The following MAGI1 variants were observed in gnomAD, a reference collection of about 807,000 sequenced individuals.
The protein encoded by MAGI1 is membrane-associated guanylate kinase, WW and PDZ domain-containing protein 1.
MAGI1 carries 58 observed loss-of-function variants against 139.9 expected under a neutral mutation model. That is an observed-to-expected ratio of 0.41 (90% CI 0.34 to 0.52). MAGI1 has a LOEUF of 0.52. Ranked by LOEUF, MAGI1 falls within the 20% of genes least tolerant of loss-of-function variation. MAGI1 has a pLI of 0.12. For synonymous variants in MAGI1, 812 were observed against 737.9 expected, an observed-to-expected ratio of 1.10 and a Z score of -1.63; for missense variants, 1,874 against 1,901.6, an observed-to-expected ratio of 0.99 and a Z score of 0.27.
chr3:65,580,685 T>A (rs959972212), intron 2 of MAGI1, among the ~76,000 whole-genome samples: 2 of 152,124 alleles, frequency 1.3e-5, no homozygotes, highest in Non-Finnish European at 2.9e-5. Context: ...TAAAAAAAAA[T>A]ATGTGGCAGA....
intron 1 of MAGI1, among the ~76,000 whole-genome samples, chr3:65,935,992 C>A (rs925248519): frequency 1.3e-5 from 2 of 152,178 alleles, no homozygotes; most frequent in African/African-American, 4.8e-5. Context: ...AACTATCTGG[C>A]CAACTCACAA....
chr3:65,842,218 C>T (rs1380524156), intron 1 of MAGI1, among the ~76,000 whole-genome samples: 1 of 152,104 alleles, frequency 6.6e-6, no homozygotes, highest in African/African-American at 2.4e-5. Flanking sequence ...AGATAACAAA[C>T]AATACCATCT....
At chr3:65,715,285 T>C (rs1033161263) in intron 1 of MAGI1, among the ~76,000 whole-genome samples, 6 of 152,186 alleles carry the variant, frequency 3.9e-5, no homozygotes, top group Non-Finnish European at 7.3e-5. Context: ...ACAATTATAG[T>C]TTTTGCAGGT....
intron 16 of MAGI1, 40 bp downstream of exon 16, chr3:65,381,837 G>GT (rs1490800360): frequency 6.6e-7 from 1 of 1,519,118 alleles, no homozygotes; most frequent in African/African-American, 1.4e-5. Context: ...TGTGAATAAA[G>GT]TGACAACGCA....
At chr3:65,749,186 G>A (rs2035938584) in intron 1 of MAGI1, among the ~76,000 whole-genome samples, 1 of 152,150 alleles carries the variant, frequency 6.6e-6, no homozygotes, top group African/African-American at 2.4e-5. Flanking sequence ...GCAAACCTCA[G>A]AGATCATGAT....
At chr3:65,723,630 A>G (rs902207514) in intron 1 of MAGI1, among the ~76,000 whole-genome samples, 2 of 152,254 alleles carry the variant, frequency 1.3e-5, no homozygotes, top group African/African-American at 4.8e-5. Context: ...ATCTAGCAAC[A>G]TCAGTCGACA....
chr3:65,708,084 T>C (rs184873487), intron 1 of MAGI1, among the ~76,000 whole-genome samples: 2 of 152,286 alleles, frequency 1.3e-5, no homozygotes, highest in East Asian at 3.9e-4. Flanking sequence ...ATCACCCCTA[T>C]AAATGTAACC....
At chr3:65,430,909 A>C (rs1457492480) in intron 10 of MAGI1, 28 bp from the exon 11 acceptor site, 2 of 1,602,028 alleles carry the variant, frequency 1.2e-6, no homozygotes, top group Non-Finnish European at 8.5e-7. Context: ...ACGCATAAGG[A>C]ATGTCACCAC....
intron 1 of MAGI1, among the ~76,000 whole-genome samples, chr3:65,859,153 T>A (rs112535051): frequency 0.043 from 6,479 of 152,122 alleles, 436 homozygotes; most frequent in African/African-American, 0.15. Flanking sequence ...GCCAACATGG[T>A]GAAATCCTGT....
intron 1 of MAGI1, among the ~76,000 whole-genome samples, chr3:65,982,980 C>T (rs2065667836): frequency 1.3e-5 from 2 of 152,224 alleles, no homozygotes; most frequent in African/African-American, 2.4e-5. Context: ...AGTACAGTGG[C>T]ACAATCATAG....
chr3:65,554,182 T>C (rs1320627747), intron 2 of MAGI1, among the ~76,000 whole-genome samples: 1 of 152,218 alleles, frequency 6.6e-6, no homozygotes. Flanking sequence ...AGGAGAGACA[T>C]CACTTCCCTT....
intron 5 of MAGI1, among the ~76,000 whole-genome samples, chr3:65,456,044 G>A (rs144216070): frequency 1.3e-5 from 2 of 152,174 alleles, no homozygotes; most frequent in African/African-American, 2.4e-5. Flanking sequence ...AAATGATCAC[G>A]TGTGTCGTTG....
intron 1 of MAGI1, among the ~76,000 whole-genome samples, chr3:65,761,828 G>A (rs1022860530): frequency 6.6e-6 from 1 of 152,168 alleles, no homozygotes; most frequent in East Asian, 1.9e-4. Flanking sequence ...CTCCCTTCAA[G>A]GATTGCTGAG....
intron 2 of MAGI1, 133 bp downstream of exon 2, chr3:65,621,839 G>T: frequency 1.6e-6 from 1 of 631,420 alleles, no homozygotes. Context: ...ATTTGCTTGA[G>T]TTAAGGAGTC....
rs151207069 is a variant in MAGI1 at position 65,450,471 on chromosome 3, AG to A, written c.1043-2415del. ...AGGTGTGAAGAAAAGTGACATATCA[AG>A]GGGGAATTTTGAGTATGCATAAATT... On this transcript the variant is annotated intron_variant, in intron 6 of 22. Coordinates refer to ENST00000402939, the MANE Select transcript of MAGI1 (RefSeq NM_001033057.2). Among the ~76,000 whole-genome samples, 461 of 152,320 alleles carry A rather than the reference AG, an allele frequency of 3.0e-3. 1 individual carries two copies. The highest frequency in any genetic ancestry group is 0.01 in the African/African-American group (431 of 41,578).
At chr3:65,700,513 AATT>A (rs1471920936) in intron 1 of MAGI1, among the ~76,000 whole-genome samples, 1 of 152,162 alleles carries the variant, frequency 6.6e-6, no homozygotes, top group African/African-American at 2.4e-5. Flanking sequence ...CATTTGACCA[AATT>A]ATAATTTTGA....
chr3:65,996,415 A>C (rs1054392977), intron 1 of MAGI1, among the ~76,000 whole-genome samples: 1 of 152,152 alleles, frequency 6.6e-6, no homozygotes, highest in African/African-American at 2.4e-5. Context: ...TTCAATCCTA[A>C]CTAAATTTAA....
Position 66,013,557 on chromosome 3 carries a change from C to T in MAGI1, c.313+24439G>A, listed in dbSNP as rs187045514. 2.1e-4 allele frequency among the ~76,000 whole-genome samples: 32 copies of T among 151,708 alleles called. No homozygotes were observed. The East Asian group carries it at 5.6e-3, about 27-fold the overall frequency. On this transcript the variant is annotated intron_variant, in intron 1 of 22. Coordinates refer to ENST00000402939, the MANE Select transcript of MAGI1 (RefSeq NM_001033057.2). ...TGGGCGGATCACGAGATCAGGAGAC[C>T]GAGACCATCCTGGCTAACACAGTGA... is the stretch of plus-strand genomic sequence containing the variant.
chr3:65,519,330 G>C (rs2078042163), intron 2 of MAGI1, among the ~76,000 whole-genome samples: 1 of 143,272 alleles, frequency 7.0e-6, no homozygotes, highest in Non-Finnish European at 1.5e-5. Context: ...GGAGTATCAT[G>C]ATCTGACACA....
Sources: gnomAD v4.1 joint callset for allele counts (sites outside exome capture counted in the v4.1 genomes callset) on GRCh38, gnomAD v4.1.1 for gene constraint, MANE v1.5 for transcripts, NCBI Gene and HGNC (gene_info 2026-07-23, HGNC 2026-07-21) for gene names.